TBC1D22A: variants seen among roughly 807,000 people sequenced by gnomAD.
TBC1D22A encodes the protein putative GTPase activator.
TBC1D22A carries 38 observed loss-of-function variants against 60.2 expected under a neutral mutation model. The ratio of observed to expected loss-of-function variants is 0.63; its 90% CI spans 0.49 to 0.83. TBC1D22A has a LOEUF of 0.83. TBC1D22A is among the 40% of genes least tolerant of loss of function. The pLI is 0.00. For missense variants in TBC1D22A, 628 were observed against 701.0 expected (o/e 0.90, Z 1.18); for synonymous variants, 302 against 281.7 (o/e 1.07, Z -0.72).
At chr22:46,921,622 G>A (rs1276008961) in intron 8 of TBC1D22A, among the ~76,000 whole-genome samples, 1 of 152,170 alleles carries the variant, frequency 6.6e-6, no homozygotes, top group Non-Finnish European at 1.5e-5. Context: ...GGGATTGCTG[G>A]GTTGAACAGT....
chr22:46,852,062 C>T (rs546933827), intron 4 of TBC1D22A, among the ~76,000 whole-genome samples: 33 of 152,268 alleles, frequency 2.2e-4, no homozygotes, highest in African/African-American at 7.0e-4. Context: ...GGCTCAGGGG[C>T]GCCGCAGGCA....
rs2068601131 is a variant in TBC1D22A at position 47,174,386 on chromosome 22, G to A, written c.*760G>A. 1 of 152,282 alleles carries A rather than the reference G, an allele frequency of 6.6e-6. No individual in the cohort carries two copies. Among genetic ancestry groups the A allele is most frequent in the South Asian group, 2.1e-4 (1 of 4,836 alleles). The allele number at this position is 152,282 out of a possible 1,614,324, so 9.4% of individuals were successfully genotyped here. On this transcript the variant is annotated 3_prime_UTR_variant, in exon 13 of 13. Coordinates refer to ENST00000337137, the MANE Select transcript of TBC1D22A (RefSeq NM_014346.5). ...CAGGGCCAAGTGGCCCCGCCACGCA[G>A]GTAGGCGCCGGCCTCAGCCAGAGCC...
intron 11 of TBC1D22A, among the ~76,000 whole-genome samples, chr22:47,101,961 T>C (rs2065433856): frequency 1.3e-5 from 2 of 152,152 alleles, no homozygotes; most frequent in African/African-American, 2.4e-5. Flanking sequence ...CACACAATGA[T>C]GGTATTTCCT....
Position 46,777,930 on chromosome 22 carries a change from G to A in TBC1D22A, c.63-14590G>A, listed in dbSNP as rs1027557995. Among the ~76,000 whole-genome samples the A allele has an allele frequency of 6.6e-6, 1 of 152,210 alleles. No homozygotes were observed. Among genetic ancestry groups the A allele is most frequent in the Non-Finnish European group, 1.5e-5 (1 of 68,044 alleles). Reference sequence around the variant, plus strand: ...GCAGTGTCGCCTGCTGCACACCTAGGCTGTACGGCACCGTCTGTTGCTCTG... The same window carrying A: ...GCAGTGTCGCCTGCTGCACACCTAGACTGTACGGCACCGTCTGTTGCTCTG... On this transcript the variant is annotated intron_variant, in intron 1 of 12. Transcript: ENST00000337137. This position sits in a 1 kb window ranked among gnomAD's most constrained non-coding sequence, Gnocchi z 4.5.
At chr22:47,049,417 A>G (rs2063139080) in intron 11 of TBC1D22A, among the ~76,000 whole-genome samples, 2 of 152,224 alleles carry the variant, frequency 1.3e-5, no homozygotes, top group African/African-American at 4.8e-5. Flanking sequence ...GCTCTGAGTA[A>G]ACCTGCAGGT....
intron 7 of TBC1D22A, among the ~76,000 whole-genome samples, chr22:46,904,145 A>ATCTATCTATCTG (rs1555937547): frequency 2.6e-4 from 20 of 75,558 alleles, no homozygotes; most frequent in African/African-American, 6.8e-4. Flanking sequence ...CTATCTATCT[A>ATCTATCTATCTG]CCTACCTACC....
intron 8 of TBC1D22A, among the ~76,000 whole-genome samples, chr22:46,953,510 G>T (rs574261934): frequency 2.6e-5 from 4 of 151,726 alleles, no homozygotes; most frequent in Admixed American, 2.0e-4. Flanking sequence ...ATTTTTGTAG[G>T]TCTGTATCTA....
intron 8 of TBC1D22A, among the ~76,000 whole-genome samples, chr22:46,920,016 T>C (rs1433904333): frequency 6.6e-6 from 1 of 152,076 alleles, no homozygotes; most frequent in Non-Finnish European, 1.5e-5. Context: ...TGATGTTTTC[T>C]TCTAGGCTTA....
rs750687687 is a variant in TBC1D22A at position 46,985,235 on chromosome 22, C to T, written c.1125+10836C>T. ...TCAAGAAGCAGAGTCTTCACCTGGA[C>T]GGGGCAGTGGAGCGCTTGGTGGAGG... On this transcript the variant is annotated intron_variant, in intron 9 of 12. Transcript: ENST00000337137. Among the ~76,000 whole-genome samples the T allele has an allele frequency of 4.6e-5, 7 of 152,150 alleles. No homozygotes were observed. In the South Asian group the frequency reaches 6.2e-4, roughly 14 times the overall value.
At chr22:47,172,031 GAGCC>G (rs1360256013) in intron 12 of TBC1D22A, among the ~76,000 whole-genome samples, 5,078 of 87,310 alleles carry the variant, frequency 0.058, 333 homozygotes, top group East Asian at 0.42. Flanking sequence ...CACTCCCAGT[GAGCC>G]TACCCAGCAC....
chr22:46,926,755 A>T (rs561035783), intron 8 of TBC1D22A, among the ~76,000 whole-genome samples: 6 of 152,278 alleles, frequency 3.9e-5, no homozygotes, highest in African/African-American at 1.4e-4. Context: ...GGAAATCCTG[A>T]CCGAGTTCCT....
chr22:47,074,753 T>G lies in TBC1D22A; in HGVS notation c.1330-36755T>G, dbSNP rs1345883119. The stretch of plus-strand genomic sequence containing the variant: ...TCATCCTGAGAGCCATCCTACCGCC[T>G]TCCTGCCCAGTCCTCTTCACTGGCA... On this transcript the variant is annotated intron_variant, in intron 11 of 12. Transcript: ENST00000337137. 2.6e-5 allele frequency among the ~76,000 whole-genome samples: 4 copies of G among 152,200 alleles called. No homozygotes were observed. In the South Asian group the frequency reaches 8.3e-4, roughly 31 times the overall value.
rs538642788 is a variant in TBC1D22A, at chr22:47,037,361, G to C, written c.1329+163G>C. On this transcript the variant is annotated intron_variant, in intron 11 of 12. Transcript: ENST00000337137. ...AAGTATACTCCTGGCCGGGCGCGGTGGCTCATGCCTGTAATCCTAGCACTT... is the reference window on the plus strand; with the variant it reads ...AAGTATACTCCTGGCCGGGCGCGGTCGCTCATGCCTGTAATCCTAGCACTT... Among the ~76,000 whole-genome samples the C allele has an allele frequency of 8.9e-4, 136 of 152,244 alleles. 2 individuals are homozygous for C. In the Middle Eastern group the frequency reaches 0.017, roughly 19 times the overall value.
chr22:47,110,292 C>T (rs962186841), intron 11 of TBC1D22A, among the ~76,000 whole-genome samples: 5 of 152,058 alleles, frequency 3.3e-5, no homozygotes, highest in Non-Finnish European at 5.9e-5. Flanking sequence ...CCAGCCTGGC[C>T]AACATGGTGA....
At chr22:46,811,962 C>T (rs1194209446) in intron 4 of TBC1D22A, among the ~76,000 whole-genome samples, 10 of 152,044 alleles carry the variant, frequency 6.6e-5, no homozygotes, top group South Asian at 2.1e-4. Flanking sequence ...TTAATCCCGC[C>T]GTAGCCTCAG....
chr22:46,988,265 C>T (rs1338866995), intron 9 of TBC1D22A, among the ~76,000 whole-genome samples: 1 of 152,118 alleles, frequency 6.6e-6, no homozygotes, highest in Non-Finnish European at 1.5e-5. Flanking sequence ...AAGTCATTCA[C>T]GAATGTTAGA....
Position 47,084,428 on chromosome 22 carries a change from A to G in TBC1D22A, c.1330-27080A>G, listed in dbSNP as rs887889867. 4.6e-5 allele frequency among the ~76,000 whole-genome samples: 7 copies of G among 152,272 alleles called. No individual in the cohort carries two copies. The South Asian group carries it at 1.5e-3, about 32-fold the overall frequency. ...GCATTTCTGTTAGAAATGCAGATTC[A>G]TGAGTCTCATTCCTGAGTGATCTGC... is the stretch of plus-strand genomic sequence containing the variant. On this transcript the variant is annotated intron_variant, in intron 11 of 12. Coordinates refer to ENST00000337137, the MANE Select transcript of TBC1D22A (RefSeq NM_014346.5).
In TBC1D22A at chr22:46,792,602, G is replaced by A. The variant is rs73477337; in HGVS notation, c.119+26G>A. Reference sequence around the variant, plus strand: ...GTAAGTGACGTTCCAACCTCACTTGGCGTCTCGGCTCTGATATGGGAGGGC... The same window carrying A: ...GTAAGTGACGTTCCAACCTCACTTGACGTCTCGGCTCTGATATGGGAGGGC... On this transcript the variant is annotated intron_variant, in intron 2 of 12. Transcript: ENST00000337137. 3.2e-3 allele frequency: 5,126 copies of A among 1,614,216 alleles called. 161 individuals carry two copies. The African/African-American group carries it at 0.06, about 19-fold the overall frequency.
intron 4 of TBC1D22A, among the ~76,000 whole-genome samples, chr22:46,799,991 C>G (rs1407546682): frequency 6.6e-6 from 1 of 152,140 alleles, no homozygotes; most frequent in Non-Finnish European, 1.5e-5. Flanking sequence ...CTGTGCATTT[C>G]TACAGTGTAT....
Sources: gnomAD v4.1 joint callset for allele counts (sites outside exome capture counted in the v4.1 genomes callset) on GRCh38, gnomAD v4.1.1 for gene constraint, Gnocchi (gnomAD v3.1) non-coding constraint, MANE v1.5 for transcripts, NCBI Gene and HGNC (gene_info 2026-07-23, HGNC 2026-07-21) for gene names.